The following RMND5B variants were observed in gnomAD, a reference collection of about 807,000 sequenced individuals.
RMND5B encodes E3 ubiquitin-protein transferase RMND5B.
In RMND5B, 42 loss-of-function variants were observed where a neutral mutation model predicts 50.4. The observed-to-expected ratio is 0.83, with a 90% CI of 0.65 to 1.08. RMND5B has a LOEUF of 1.08. RMND5B is among the 50% of genes least tolerant of loss of function. The probability of loss-of-function intolerance (pLI) is 0.00; values close to 1 mark genes in which losing one functional copy is unlikely to be tolerated. For synonymous variants in RMND5B, 220 were observed against 210.0 expected, an observed-to-expected ratio of 1.05 and a Z score of -0.41; for missense variants, 463 against 508.5, an observed-to-expected ratio of 0.91 and a Z score of 0.86.
Position 178,147,839 on chromosome 5 carries a change from T to G in RMND5B, c.1074T>G (p.His358Gln), listed in dbSNP as rs762450569. The G allele has an allele frequency of 6.2e-7, 1 of 1,614,004 alleles. No individual in the cohort carries two copies. Among genetic ancestry groups the G allele is most frequent in the Non-Finnish European group, 8.5e-7 (1 of 1,180,038 alleles). ...CTCCCATCAAGCTCATCTGTGGCCA[T>G]GTTATCTCCCGAGATGCACTCAATA... The part of the protein sequence containing the change: ...SNPPIKLICG[H>Q]VISRDALNKL... The change falls in exon 10 of 11, where the codon CAT becomes CAG. Residue 358 changes from histidine (H) to glutamine (Q), a missense_variant. Physicochemically the swap from His to Gln is conservative, Grantham distance 24. Coordinates refer to ENST00000313386, the MANE Select transcript of RMND5B (RefSeq NM_022762.5).
intron 2 of RMND5B, chr5:178,135,142 C>T: frequency 5.7e-6 from 1 of 174,146 alleles, no homozygotes; most frequent in Non-Finnish European, 1.2e-5. Context: ...TGGTGTATAT[C>T]TTCTTTTTGT....
intron 8 of RMND5B, chr5:178,146,521 C>A: frequency 4.2e-6 from 2 of 480,538 alleles, no homozygotes; most frequent in African/African-American, 1.9e-5. Flanking sequence ...TTTGTAAGGT[C>A]TCCTGAATGA....
intron 7 of RMND5B, among the ~76,000 whole-genome samples, chr5:178,145,713 T>C (rs1755966598): frequency 6.6e-6 from 1 of 152,126 alleles, no homozygotes; most frequent in Non-Finnish European, 1.5e-5. Context: ...CCCCAAAACA[T>C]GACTGAAGTT....
At position 178,147,968 on chromosome 5, in the gene RMND5B, G is replaced by T. The variant is rs1202012094; in HGVS notation, c.1119-1G>T. Reference sequence around the variant, plus strand: ...CGTTCTCGGTTCTCCTCCCTTTGCAGGCTGAAGTGTCCCTACTGTCCCATG... The same window carrying T: ...CGTTCTCGGTTCTCCTCCCTTTGCATGCTGAAGTGTCCCTACTGTCCCATG... On this transcript the variant is annotated splice_acceptor_variant, in intron 10 of 10. Transcript: ENST00000313386. LOFTEE classifies it high-confidence loss of function. 1 of 1,614,156 alleles carries T rather than the reference G, an allele frequency of 6.2e-7. No homozygotes were observed. Among genetic ancestry groups the T allele is most frequent in the South Asian group, 1.1e-5 (1 of 91,072 alleles).
At position 178,147,884 on chromosome 5, in the gene RMND5B, G is replaced by GT. The variant is rs1756118982; in HGVS notation, c.1118+2dup. On this transcript the variant is annotated splice_donor_variant, in intron 10 of 10. Coordinates refer to ENST00000313386, the MANE Select transcript of RMND5B (RefSeq NM_022762.5). LOFTEE classifies it high-confidence loss of function. The stretch of plus-strand genomic sequence containing the variant: ...TCAATAAGCTCATTAATGGAGGAAA[G>GT]TAAGTTCCCCGTGCTCTACTCCACC... 6.2e-7 allele frequency: 1 copy of GT among 1,614,128 alleles called. No homozygotes were observed. Among genetic ancestry groups the GT allele is most frequent in the South Asian group, 1.1e-5 (1 of 91,074 alleles).
intron 8 of RMND5B, chr5:178,147,178 C>G (rs945619283): frequency 7.0e-5 from 19 of 271,650 alleles, no homozygotes; most frequent in Admixed American, 1.5e-4. Context: ...TATGACTACA[C>G]AGCAGGGTAC....
chr5:178,142,817 C>G, intron 4 of RMND5B, 35 bp from the exon 5 acceptor site: 2 of 1,614,208 alleles, frequency 1.2e-6, no homozygotes, highest in Non-Finnish European at 1.7e-6. Flanking sequence ...CAAGAGTGCC[C>G]GCATCACCAG....
At chr5:178,146,430 T>G (rs1021763028) in intron 8 of RMND5B, 151 bp downstream of exon 8, 1 of 698,484 alleles carries the variant, frequency 1.4e-6, no homozygotes, top group African/African-American at 1.8e-5. Flanking sequence ...AGGAATTACC[T>G]GTTTTTACAG....
At chr5:178,144,720 G>GAAAAAAAAAAAAACAAAAAAAA (rs111233356) in intron 7 of RMND5B, among the ~76,000 whole-genome samples, 1 of 111,746 alleles carries the variant, frequency 8.9e-6, no homozygotes, top group Non-Finnish European at 1.9e-5. Flanking sequence ...CTCCGTCTCA[G>GAAAAAAAAAAAAACAAAAAAAA]AAAAAAAAAA....
rs375912875 is a variant in RMND5B at position 178,144,129 on chromosome 5, G to C, written c.694+21G>C. 1.9e-4 allele frequency: 301 copies of C among 1,608,530 alleles called. No individual in the cohort carries two copies. In the African/African-American group the frequency reaches 3.8e-3, roughly 20 times the overall value. On this transcript the variant is annotated intron_variant, in intron 7 of 10. Transcript: ENST00000313386. ...GCGGGGTGAGTGCCCAGGCAGCTGG[G>C]GTTGTGCTGCCTGGCCTGACACATG...
chr5:178,148,285 G>T lies in RMND5B; in HGVS notation c.*253G>T. ...CTCTGTGCTCCTGCTGTCTTTTCCTGTTTCTGTTTGCGTTTGACTTAGTAG... is the reference window on the plus strand; with the variant it reads ...CTCTGTGCTCCTGCTGTCTTTTCCTTTTTCTGTTTGCGTTTGACTTAGTAG... On this transcript the variant is annotated 3_prime_UTR_variant, in exon 11 of 11. Transcript: ENST00000313386. The T allele has an allele frequency of 2.0e-5, 11 of 561,300 alleles. 1 individual carries two copies. In the South Asian group the frequency reaches 2.2e-4, roughly 11 times the overall value. The allele number at this position is 561,300 out of a possible 1,614,324, so 34.8% of individuals were successfully genotyped here.
intron 3 of RMND5B, chr5:178,141,945 A>G (rs1758967901): frequency 6.5e-6 from 1 of 152,974 alleles, no homozygotes; most frequent in Non-Finnish European, 1.5e-5. Context: ...ATCATACCAC[A>G]TGTAGCCTTT....
chr5:178,148,042 G>C lies in RMND5B; in HGVS notation c.*10G>C, dbSNP rs1756133090. The C allele has an allele frequency of 1.9e-6, 3 of 1,613,896 alleles. No homozygotes were observed. Among genetic ancestry groups the C allele is most frequent in the African/African-American group, 2.7e-5 (2 of 74,966 alleles). On this transcript the variant is annotated 3_prime_UTR_variant, in exon 11 of 11. Transcript: ENST00000313386. ...ACGCATCATATTCTGATTCCTACCT[G>C]GAAGGAATTTTGTTGAAAGGGGTTT...
At chr5:178,132,749 T>TTATTTTTTTA (rs373639499) in intron 2 of RMND5B, among the ~76,000 whole-genome samples, 104,256 of 133,908 alleles carry the variant, frequency 0.78, 41,130 homozygotes, top group Middle Eastern at 0.84. Context: ...TTTTTTTTTT[T>TTATTTTTTTA]TTTTTAAGCA....
intron 2 of RMND5B, among the ~76,000 whole-genome samples, chr5:178,134,178 ATGGGTGTGGTGTGGCCACTCT>A (rs979517507): frequency 1.3e-5 from 2 of 152,154 alleles, no homozygotes; most frequent in Non-Finnish European, 2.9e-5. Context: ...TGAGGACTCG[ATGGGTGTGGTGTGGCCACTCT>A]TGCCAGGTTA....
At chr5:178,139,389 T>C (rs1335557491) in intron 3 of RMND5B, among the ~76,000 whole-genome samples, 1 of 151,892 alleles carries the variant, frequency 6.6e-6, no homozygotes, top group Non-Finnish European at 1.5e-5. Context: ...TATTTTTTAG[T>C]ACAGGTGGGG....
intron 3 of RMND5B, among the ~76,000 whole-genome samples, chr5:178,141,119 A>G (rs540023392): frequency 4.5e-4 from 69 of 152,260 alleles, no homozygotes; most frequent in African/African-American, 1.6e-3. Context: ...TTAATGTTCA[A>G]ATTGTCTTAG....
intron 2 of RMND5B, chr5:178,133,596 G>C (rs571126881): frequency 6.6e-6 from 1 of 151,100 alleles, no homozygotes; most frequent in African/African-American, 2.4e-5. Context: ...TAGTAGAGAC[G>C]AAGTTTCACC....
chr5:178,140,391 C>T (rs528262925), intron 3 of RMND5B, among the ~76,000 whole-genome samples: 27 of 151,208 alleles, frequency 1.8e-4, no homozygotes, highest in African/African-American at 5.8e-4. Flanking sequence ...CTGTCCAAGA[C>T]GGTGTCGAAC....
Sources: gnomAD v4.1 joint callset for allele counts (sites outside exome capture counted in the v4.1 genomes callset) on GRCh38, gnomAD v4.1.1 for gene constraint, MANE v1.5 for transcripts, NCBI Gene and HGNC (gene_info 2026-07-23, HGNC 2026-07-21) for gene names.